Variants in UBA3 observed in about 807,000 individuals in gnomAD.
UBA3 encodes the protein ubiquitin like modifier activating enzyme 3, also known as NEDD8-activating enzyme E1 catalytic subunit.
A neutral mutation model predicts 73.5 loss-of-function variants in UBA3; 26 were observed. That is an observed-to-expected ratio of 0.35 (90% CI 0.26 to 0.49). UBA3 has a LOEUF of 0.49. Ranked by LOEUF, UBA3 falls within the 20% of genes least tolerant of loss-of-function variation. The pLI, the probability that UBA3 is intolerant of heterozygous loss-of-function variation, is 0.98. For missense variants in UBA3, 495 were observed against 555.6 expected, an observed-to-expected ratio of 0.89 and a Z score of 1.10; for synonymous variants, 217 against 191.2, an observed-to-expected ratio of 1.13 and a Z score of -1.11.
intron 6 of UBA3, 93 bp from the exon 7 acceptor site, chr3:69,064,204 A>T: frequency 1.1e-6 from 1 of 944,152 alleles, no homozygotes; most frequent in Non-Finnish European, 1.6e-6. Flanking sequence ...ATATATTTAC[A>T]ACAAGAAATA....
intron 7 of UBA3, 63 bp from the exon 8 acceptor site, chr3:69,063,566 T>G: frequency 1.5e-6 from 2 of 1,328,196 alleles, no homozygotes; most frequent in Non-Finnish European, 2.1e-6. Flanking sequence ...GATCTTTCAA[T>G]GTAGATTCAT....
intron 6 of UBA3, among the ~76,000 whole-genome samples, chr3:69,066,078 C>T (rs970275439): frequency 5.9e-5 from 9 of 152,082 alleles, no homozygotes; most frequent in African/African-American, 2.2e-4. Context: ...TTAAGAGGGT[C>T]TTTCACACAG....
Position 69,080,342 on chromosome 3 carries a change from G to T in UBA3, c.12C>A (p.Gly4=). ...AGAGCCCCGGTACTTACGGCTCCTC[G>T]CCATCCGCCATATTGTTCTCCGCCT... MAD[G]EEPEKKRRRI... The change falls in exon 1 of 18, where the codon GGC becomes GGA. Residue 4 remains glycine, a synonymous_variant. Coordinates refer to ENST00000361055, the MANE Select transcript of UBA3 (RefSeq NM_003968.4). The T allele has an allele frequency of 1.3e-6, 2 of 1,592,142 alleles. No individual in the cohort carries two copies. The highest frequency in any genetic ancestry group is 1.1e-5 in the South Asian group (1 of 88,452).
At chr3:69,075,888 C>T (rs768797708) in intron 3 of UBA3, among the ~76,000 whole-genome samples, 4 of 152,210 alleles carry the variant, frequency 2.6e-5, no homozygotes, top group Admixed American at 1.3e-4. Context: ...TGCACTACCA[C>T]ACCTGGCTAA....
At chr3:69,068,356 T>C (rs1357828960) in intron 5 of UBA3, among the ~76,000 whole-genome samples, 3 of 152,156 alleles carry the variant, frequency 2.0e-5, no homozygotes, top group African/African-American at 7.2e-5. Context: ...GCTCAGAACC[T>C]TATGGTGTTA....
rs2091974763 is a variant in UBA3, at chr3:69,056,476, T to G, written c.1083+136A>C. On this transcript the variant is annotated intron_variant, in intron 14 of 17. Coordinates refer to ENST00000361055, the MANE Select transcript of UBA3 (RefSeq NM_003968.4). ...ACTTCGCTATAGAGTTATTTCAGGC[T>G]ATAAAGCAAAAGATATATAATAAGT... 26 of 873,072 alleles carry G rather than the reference T, an allele frequency of 3.0e-5. No homozygotes were observed. The South Asian group carries it at 5.1e-4, about 17-fold the overall frequency. 54.1% of individuals were successfully genotyped at this position (873,072 alleles called of 1,614,324 possible). A position where few individuals can be genotyped will look rare whatever the true frequency, so the allele number is the denominator to read the frequency against.
intron 6 of UBA3, among the ~76,000 whole-genome samples, chr3:69,065,749 T>C (rs375862217): frequency 1.3e-5 from 2 of 152,136 alleles, no homozygotes; most frequent in South Asian, 4.1e-4. Context: ...GCCATCTCTA[T>C]AATTCTGTAA....
intron 6 of UBA3, among the ~76,000 whole-genome samples, chr3:69,065,319 T>A (rs138892759): frequency 1.8e-3 from 280 of 152,230 alleles, no homozygotes; most frequent in African/African-American, 6.6e-3. Flanking sequence ...TAATATAGAT[T>A]CGCAGTAAGT....
intron 6 of UBA3, among the ~76,000 whole-genome samples, chr3:69,067,083 A>G (rs186639896): frequency 5.3e-5 from 8 of 152,312 alleles, no homozygotes; most frequent in African/African-American, 1.9e-4. Context: ...ATAAAATTTT[A>G]GAAGATCGTC....
intron 6 of UBA3, among the ~76,000 whole-genome samples, chr3:69,065,990 A>G (rs1462681970): frequency 6.6e-6 from 1 of 151,852 alleles, no homozygotes; most frequent in Admixed American, 6.6e-5. Flanking sequence ...TTTAGAGTTC[A>G]TTATATACTC....
At chr3:69,080,236 G>T in intron 1 of UBA3, 83 bp from the exon 2 acceptor site, 1 of 1,523,982 alleles carries the variant, frequency 6.6e-7, no homozygotes, top group South Asian at 1.2e-5. Flanking sequence ...GACGGGGCGG[G>T]GGGTGTGGGG....
intron 9 of UBA3, 94 bp from the exon 10 acceptor site, chr3:69,062,273 A>T (rs2092028138): frequency 2.4e-6 from 2 of 832,428 alleles, no homozygotes; most frequent in African/African-American, 3.4e-5. Context: ...AATTTCATAC[A>T]ATTTGTTTCA....
At chr3:69,078,378 T>G (rs533458913) in intron 2 of UBA3, among the ~76,000 whole-genome samples, 1 of 152,370 alleles carries the variant, frequency 6.6e-6, no homozygotes, top group South Asian at 2.1e-4. Flanking sequence ...GATGCAAATT[T>G]AATATTTATG....
chr3:69,075,967 G>C (rs940516865), intron 3 of UBA3, among the ~76,000 whole-genome samples: 4 of 152,086 alleles, frequency 2.6e-5, no homozygotes, highest in African/African-American at 9.7e-5. Context: ...CTGACCTCAA[G>C]TGATCCGCCC....
chr3:69,075,442 G>C lies in UBA3; in HGVS notation c.252C>G (p.Leu84=), dbSNP rs2107500183. ...VIGAGGLGCE[L]LKNLALSGFR... is the part of the protein sequence containing the mutation. ...GTATATATATTACCAGATTTTTCAG[G>C]AGCTCACATCCTAAGCCGCCAGCTC... The change falls in exon 4 of 18, where the codon CTC becomes CTG. Residue 84 remains leucine, a synonymous_variant. Transcript: ENST00000361055. 6.5e-7 allele frequency: 1 copy of C among 1,536,904 alleles called. No individual in the cohort carries two copies. Among genetic ancestry groups the C allele is most frequent in the East Asian group, 2.4e-5 (1 of 41,296 alleles).
intron 2 of UBA3, chr3:69,079,889 G>A (rs1310782992): frequency 1.9e-6 from 1 of 524,164 alleles, no homozygotes; most frequent in Non-Finnish European, 3.3e-6. Flanking sequence ...GCAGGAGCTG[G>A]GGCAGTACAG....
chr3:69,078,472 C>G (rs1237490775), intron 2 of UBA3, among the ~76,000 whole-genome samples: 2 of 151,972 alleles, frequency 1.3e-5, no homozygotes, highest in Non-Finnish European at 2.9e-5. Flanking sequence ...GTTATTTTTT[C>G]TTTTTCTTTT....
intron 4 of UBA3, among the ~76,000 whole-genome samples, chr3:69,074,848 G>A (rs1665349375): frequency 6.6e-6 from 1 of 152,160 alleles, no homozygotes; most frequent in Non-Finnish European, 1.5e-5. Context: ...CCAAACCTTA[G>A]GTGTCCACAA....
intron 11 of UBA3, among the ~76,000 whole-genome samples, chr3:69,059,171 A>G (rs541609073): frequency 2.0e-5 from 3 of 152,234 alleles, no homozygotes; most frequent in Non-Finnish European, 4.4e-5. Context: ...GAAGAGTTCT[A>G]TGAAGAAAAT....
Sources: allele counts gnomAD v4.1 joint callset (sites outside exome capture counted in the v4.1 genomes callset), GRCh38; gene constraint gnomAD v4.1.1; transcripts MANE v1.5; gene names NCBI Gene and HGNC (gene_info 2026-07-23, HGNC 2026-07-21).